Variants in JAM3 observed in about 807,000 individuals in gnomAD.
The protein encoded by JAM3 is junctional adhesion molecule 3.
JAM3 carries 31 observed loss-of-function variants against 39.4 expected under a neutral mutation model. The observed-to-expected ratio is 0.79, with a 90% confidence interval of 0.59 to 1.06. The LOEUF (loss-of-function observed/expected upper bound fraction) is 1.06. Ranked by LOEUF, JAM3 falls within the 50% of genes least tolerant of loss-of-function variation. The pLI, the probability that JAM3 is intolerant of heterozygous loss-of-function variation, is 0.00. For synonymous variants in JAM3, 182 were observed against 148.7 expected, an observed-to-expected ratio of 1.22 and a Z score of -1.63; for missense variants, 455 against 391.4, an observed-to-expected ratio of 1.16 and a Z score of -1.37.
chr11:134,081,666 C>G (rs1941667754), intron 1 of JAM3, among the ~76,000 whole-genome samples: 1 of 152,206 alleles, frequency 6.6e-6, no homozygotes, highest in African/African-American at 2.4e-5. Flanking sequence ...GGGTGGGGCT[C>G]TCATAGAGAT....
rs147420783 is a variant in JAM3, at chr11:134,111,533, TCTC to T, written c.77-28314_77-28312del. Among the ~76,000 whole-genome samples the T allele has an allele frequency of 8.3e-3, 1,257 of 152,184 alleles. 14 individuals are homozygous for T. Among genetic ancestry groups the T allele is most frequent in the African/African-American group, 0.029 (1,184 of 41,506 alleles). On this transcript the variant is annotated intron_variant, in intron 1 of 8. Transcript: ENST00000299106. ...GTGTTAAAGAGGAAGAAACTCTACT[TCTC>T]CTCATACCATTAATTCGATGTTAGG...
At chr11:134,086,660 C>T (rs1245138080) in intron 1 of JAM3, among the ~76,000 whole-genome samples, 4 of 152,078 alleles carry the variant, frequency 2.6e-5, no homozygotes, top group Non-Finnish European at 5.9e-5. Flanking sequence ...ACAAAATAAA[C>T]AGCTTATTAA....
At position 134,144,355 on chromosome 11, in the gene JAM3, A is replaced by G. The variant is rs926193098; in HGVS notation, c.371A>G (p.Lys124Arg). 6.2e-7 allele frequency: 1 copy of G among 1,614,238 alleles called. No individual in the cohort carries two copies. Among genetic ancestry groups the G allele is most frequent in the Non-Finnish European group, 8.5e-7 (1 of 1,180,040 alleles). ...GAGGTCGTTGCTCGAAATGACCGCAAGGAAATTGATGAGATTGTGATCGAG... is the reference window on the plus strand; with the variant it reads ...GAGGTCGTTGCTCGAAATGACCGCAGGGAAATTGATGAGATTGTGATCGAG... ...RCEVVARNDR[K>R]EIDEIVIELT... The change falls in exon 4 of 9, where the codon AAG becomes AGG. Residue 124 changes from lysine (K) to arginine (R), a missense_variant. Transcript: ENST00000299106.
Position 134,149,160 on chromosome 11 carries a change from C to T in JAM3, c.912C>T (p.His304=), listed in dbSNP as rs149162193. The T allele has an allele frequency of 2.0e-5, 33 of 1,613,910 alleles. No homozygotes were observed. The highest frequency in any genetic ancestry group is 2.7e-5 in the Non-Finnish European group (32 of 1,179,880). The change falls in exon 9 of 9, where the codon CAC becomes CAT. Residue 304 remains histidine, a synonymous_variant. Transcript: ENST00000299106. ...IRTDEEGDFR[H]KSSFVI ...TGGCTTTGCAGGGCGACTTCAGACA[C>T]AAGTCATCGTTTGTGATCTGAGACC...
chr11:134,117,611 C>T (rs924646529), intron 1 of JAM3, among the ~76,000 whole-genome samples: 36 of 152,166 alleles, frequency 2.4e-4, no homozygotes, highest in African/African-American at 8.2e-4. Context: ...ATTTATTTTT[C>T]CTTTAACATG....
At chr11:134,146,459 A>T (rs1346989324) in intron 6 of JAM3, among the ~76,000 whole-genome samples, 1 of 152,070 alleles carries the variant, frequency 6.6e-6, no homozygotes, top group Non-Finnish European at 1.5e-5. Context: ...TAGCCCCTAG[A>T]GTAATGTTAT....
chr11:134,123,775 G>A lies in JAM3; in HGVS notation c.77-16076G>A, dbSNP rs1187704609. On this transcript the variant is annotated intron_variant, in intron 1 of 8. Coordinates refer to ENST00000299106, the MANE Select transcript of JAM3 (RefSeq NM_032801.5). ...CAGATTCACATTTCCAGGTACCAAG[G>A]GTTCCCTCTAAATGCCACAATCAAG... 5.8e-6 allele frequency: 4 copies of A among 693,424 alleles called. No homozygotes were observed. In the South Asian group the frequency reaches 6.3e-5, roughly 11 times the overall value. The allele number at this position is 693,424 out of a possible 1,614,324, so 43.0% of individuals were successfully genotyped here.
At chr11:134,116,414 A>G (rs1012269830) in intron 1 of JAM3, among the ~76,000 whole-genome samples, 2 of 152,070 alleles carry the variant, frequency 1.3e-5, no homozygotes, top group African/African-American at 4.8e-5. Flanking sequence ...TTGCTTATTC[A>G]TCATTTATGC....
intron 3 of JAM3, among the ~76,000 whole-genome samples, chr11:134,143,001 G>A (rs1258176720): frequency 6.6e-6 from 1 of 152,102 alleles, no homozygotes; most frequent in Non-Finnish European, 1.5e-5. Context: ...TTCTATTGAT[G>A]GACATTTGGG....
intron 1 of JAM3, among the ~76,000 whole-genome samples, chr11:134,120,251 C>T (rs111849813): frequency 0.017 from 2,594 of 152,334 alleles, 66 homozygotes; most frequent in African/African-American, 0.055. Flanking sequence ...AGGCTTGAGC[C>T]TCAGCGGCTA....
intron 3 of JAM3, among the ~76,000 whole-genome samples, chr11:134,141,756 C>T (rs34732010): frequency 0.18 from 26,719 of 151,798 alleles, 2,455 homozygotes; most frequent in African/African-American, 0.21. Context: ...TTGGCTGTGC[C>T]AAGGGGCACA....
In JAM3 at chr11:134,144,800, G is replaced by C; in HGVS notation, c.418G>C (p.Val140Leu). The change falls in exon 5 of 9, where the codon GTG becomes CTG. Residue 140 changes from valine (V) to leucine (L), a missense_variant. By Grantham distance (32) the Val-to-Leu change is conservative. Transcript: ENST00000299106. ...VIELTVQVKP[V>L]TPVCRVPKAV... ...CCCCTTTTTCCCCACAGTGAAGCCA[G>C]TGACCCCTGTCTGTAGAGTGCCGAA... is the stretch of plus-strand genomic sequence containing the variant. 6.2e-7 allele frequency: 1 copy of C among 1,614,050 alleles called. No individual in the cohort carries two copies. The highest frequency in any genetic ancestry group is 1.3e-5 in the African/African-American group (1 of 75,014).
At chr11:134,118,750 T>G (rs1384749769) in intron 1 of JAM3, among the ~76,000 whole-genome samples, 1 of 152,200 alleles carries the variant, frequency 6.6e-6, no homozygotes, top group Non-Finnish European at 1.5e-5. Flanking sequence ...TTGTCTTTCC[T>G]CATAGCTTCG....
chr11:134,101,687 CAAAT>C (rs1942075897), intron 1 of JAM3, among the ~76,000 whole-genome samples: 1 of 152,164 alleles, frequency 6.6e-6, no homozygotes, highest in South Asian at 2.1e-4. Flanking sequence ...ATCTTAAAAA[CAAAT>C]CTGATCATAT....
At chr11:134,140,801 C>A in intron 3 of JAM3, 31 bp downstream of exon 3, 1 of 1,591,842 alleles carries the variant, frequency 6.3e-7, no homozygotes, top group African/African-American at 1.3e-5. Context: ...TGCCTGCTGA[C>A]CTTTCCTCTG....
intron 1 of JAM3, among the ~76,000 whole-genome samples, chr11:134,089,847 T>A (rs1941812833): frequency 6.6e-6 from 1 of 152,192 alleles, no homozygotes; most frequent in South Asian, 2.1e-4. Flanking sequence ...CTGGGTCAAA[T>A]GGTATTTCTA....
intron 1 of JAM3, among the ~76,000 whole-genome samples, chr11:134,101,975 G>GC (rs1301653249): frequency 6.6e-6 from 1 of 152,158 alleles, no homozygotes; most frequent in African/African-American, 2.4e-5. Context: ...AATTGCTTGA[G>GC]CACAGGAGTT....
chr11:134,098,916 G>T (rs1003132115), intron 1 of JAM3, among the ~76,000 whole-genome samples: 3 of 152,220 alleles, frequency 2.0e-5, no homozygotes, highest in Admixed American at 2.0e-4. Flanking sequence ...AATGCAACTA[G>T]GGAGAGGCGT....
At chr11:134,134,948 A>G (rs757502828) in intron 1 of JAM3, among the ~76,000 whole-genome samples, 3 of 151,750 alleles carry the variant, frequency 2.0e-5, no homozygotes, top group Non-Finnish European at 4.4e-5. Flanking sequence ...CCCATTCTGT[A>G]TGTTGTCTTT....
Sources: allele counts gnomAD v4.1 joint callset (sites outside exome capture counted in the v4.1 genomes callset), GRCh38; gene constraint gnomAD v4.1.1; transcripts MANE v1.5; gene names NCBI Gene and HGNC (gene_info 2026-07-23, HGNC 2026-07-21).